AGBL4: variants seen among roughly 807,000 people sequenced by gnomAD.
AGBL4 encodes the protein cytosolic carboxypeptidase 6.
In AGBL4, 58 loss-of-function variants were observed where a neutral mutation model predicts 66.4. That is an observed-to-expected ratio of 0.87 (90% CI 0.71 to 1.09). The LOEUF (loss-of-function observed/expected upper bound fraction) is 1.09, where lower values mean the gene tolerates loss of function less well. Among genes scored for constraint, AGBL4 ranks in the 50% least tolerant of loss-of-function variants. AGBL4 has a pLI of 0.00. For missense variants in AGBL4, 579 were observed against 631.0 expected (o/e 0.92, Z 0.88); for synonymous variants, 234 against 222.9 (o/e 1.05, Z -0.44).
chr1:49,006,484 A>G (rs1397247963), intron 5 of AGBL4, among the ~76,000 whole-genome samples: 1 of 152,240 alleles, frequency 6.6e-6, no homozygotes, highest in Admixed American at 6.5e-5. Flanking sequence ...TTGCTTAGGT[A>G]AACAAAGCAG....
At chr1:49,437,391 T>G (rs1645926607) in intron 3 of AGBL4, among the ~76,000 whole-genome samples, 1 of 152,190 alleles carries the variant, frequency 6.6e-6, no homozygotes, top group Non-Finnish European at 1.5e-5. Flanking sequence ...GTCTTGTATA[T>G]TTATGCAATA....
At chr1:48,881,444 T>C (rs1649774145) in intron 5 of AGBL4, among the ~76,000 whole-genome samples, 2 of 152,170 alleles carry the variant, frequency 1.3e-5, no homozygotes, top group South Asian at 4.1e-4. Context: ...TGTTTGCATT[T>C]TAAACTCTCA....
chr1:49,029,001 C>G (rs1198918554), intron 5 of AGBL4, among the ~76,000 whole-genome samples: 1 of 152,038 alleles, frequency 6.6e-6, no homozygotes, highest in Non-Finnish European at 1.5e-5. Context: ...TCATTTGATA[C>G]AATCCAACAC....
At chr1:48,910,007 G>A (rs1291036626) in intron 5 of AGBL4, among the ~76,000 whole-genome samples, 2 of 152,108 alleles carry the variant, frequency 1.3e-5, no homozygotes, top group Non-Finnish European at 2.9e-5. Flanking sequence ...GGACTTAATG[G>A]ACTCTATCTA....
At chr1:49,943,344 T>C (rs1407165106) in intron 1 of AGBL4, among the ~76,000 whole-genome samples, 2 of 152,042 alleles carry the variant, frequency 1.3e-5, no homozygotes, top group Non-Finnish European at 2.9e-5. Context: ...ATCATGAACT[T>C]TTGCTCTAGA....
chr1:48,707,020 G>A (rs1167742770), intron 6 of AGBL4, among the ~76,000 whole-genome samples: 1 of 152,212 alleles, frequency 6.6e-6, no homozygotes, highest in Non-Finnish European at 1.5e-5. Flanking sequence ...TTGGCTGGGA[G>A]TGGTGGCCCA....
chr1:49,002,706 T>C (rs1356042856), intron 5 of AGBL4, among the ~76,000 whole-genome samples: 1 of 152,238 alleles, frequency 6.6e-6, no homozygotes, highest in Admixed American at 6.5e-5. Context: ...AAAGGATTAA[T>C]GGTTTCAAAT....
rs148494601 is a variant in AGBL4, at chr1:49,124,120, C to T, written c.378-78320G>A. Among the ~76,000 whole-genome samples the T allele has an allele frequency of 6.6e-5, 10 of 152,226 alleles. No individual in the cohort carries two copies. The East Asian group carries it at 1.9e-3, about 29-fold the overall frequency. The stretch of plus-strand genomic sequence containing the variant: ...AGAAGTTCTGTATTTTTATAATACA[C>T]TTCAAAGAGTCTACGGCAAATGAAA... On this transcript the variant is annotated intron_variant, in intron 4 of 13. Coordinates refer to ENST00000371839, the MANE Select transcript of AGBL4 (RefSeq NM_032785.4).
chr1:49,234,024 C>T (rs143043559), intron 4 of AGBL4, among the ~76,000 whole-genome samples: 19 of 152,214 alleles, frequency 1.2e-4, no homozygotes, highest in African/African-American at 4.3e-4. Flanking sequence ...GAGATGATGC[C>T]CAGGTGACCG....
intron 3 of AGBL4, among the ~76,000 whole-genome samples, chr1:49,656,275 C>T (rs1203412961): frequency 2.6e-5 from 4 of 152,058 alleles, no homozygotes; most frequent in Admixed American, 6.6e-5. Flanking sequence ...ATAAATTCCT[C>T]GACACATACA....
chr1:48,611,991 C>T (rs1443043295), intron 9 of AGBL4, among the ~76,000 whole-genome samples: 1 of 152,238 alleles, frequency 6.6e-6, no homozygotes, highest in African/African-American at 2.4e-5. Flanking sequence ...ACACAAGGAG[C>T]TCTTCTGGCC....
At chr1:49,541,876 G>A (rs1157881498) in intron 3 of AGBL4, among the ~76,000 whole-genome samples, 2 of 152,020 alleles carry the variant, frequency 1.3e-5, no homozygotes, top group East Asian at 3.9e-4. Context: ...GTTTGTAAAT[G>A]CACCAATCAG....
chr1:48,551,366 G>T (rs1051533212), intron 11 of AGBL4, among the ~76,000 whole-genome samples: 3 of 152,130 alleles, frequency 2.0e-5, no homozygotes, highest in African/African-American at 4.8e-5. Context: ...CAGGATTATT[G>T]CATTGATTAG....
chr1:49,435,710 G>C (rs145336883), intron 3 of AGBL4, among the ~76,000 whole-genome samples: 92 of 152,328 alleles, frequency 6.0e-4, no homozygotes, highest in African/African-American at 2.2e-3. Context: ...AAAACTCTGG[G>C]TTATCTGTGT....
chr1:48,573,408 T>C (rs570354186), intron 11 of AGBL4, among the ~76,000 whole-genome samples: 6 of 152,324 alleles, frequency 3.9e-5, no homozygotes, highest in South Asian at 4.1e-4. Context: ...CTTAACTCTT[T>C]ATCATAACAT....
intron 11 of AGBL4, among the ~76,000 whole-genome samples, chr1:48,567,139 A>C (rs1327299584): frequency 6.6e-6 from 1 of 152,174 alleles, no homozygotes; most frequent in Non-Finnish European, 1.5e-5. Flanking sequence ...TTTCTAATGT[A>C]TATAATGAGG....
chr1:48,987,790 T>A (rs1430908893), intron 5 of AGBL4, among the ~76,000 whole-genome samples: 2 of 152,152 alleles, frequency 1.3e-5, no homozygotes, highest in African/African-American at 4.8e-5. Flanking sequence ...AAAAACCTGA[T>A]GGAATCTACA....
intron 8 of AGBL4, among the ~76,000 whole-genome samples, chr1:48,638,804 G>A (rs957738023): frequency 6.6e-6 from 1 of 152,164 alleles, no homozygotes; most frequent in African/African-American, 2.4e-5. Context: ...AGACATCGAA[G>A]AAGTAGTTGT....
chr1:49,685,032 G>T lies in AGBL4; in HGVS notation c.282+12281C>A, dbSNP rs140022322. On this transcript the variant is annotated intron_variant, in intron 3 of 13. Coordinates refer to ENST00000371839, the MANE Select transcript of AGBL4 (RefSeq NM_032785.4). ...AAGTAGTAATCATACTACTCAATGG[G>T]TAGTTTTTTGAACCTCACCCTCCTC... 3.6e-3 allele frequency among the ~76,000 whole-genome samples: 549 copies of T among 152,176 alleles called. 3 individuals are homozygous for T. Among genetic ancestry groups the T allele is most frequent in the African/African-American group, 0.012 (497 of 41,502 alleles).
Sources: allele counts gnomAD v4.1 joint callset (sites outside exome capture counted in the v4.1 genomes callset), GRCh38; gene constraint gnomAD v4.1.1; transcripts MANE v1.5; gene names NCBI Gene and HGNC (gene_info 2026-07-23, HGNC 2026-07-21).